NAALADL2: variants seen among roughly 807,000 people sequenced by gnomAD.
NAALADL2 encodes the protein N-acetylated alpha-linked acidic dipeptidase like 2, also known as inactive N-acetylated-alpha-linked acidic dipeptidase-like protein 2.
Under a neutral mutation model 87.2 loss-of-function variants are expected in NAALADL2, and 76 were observed. That is an observed-to-expected ratio of 0.87 (90% CI 0.72 to 1.05). The LOEUF (loss-of-function observed/expected upper bound fraction) is 1.05, where lower values mean the gene tolerates loss of function less well. Among genes scored for constraint, NAALADL2 ranks in the 50% least tolerant of loss-of-function variants. NAALADL2 has a pLI of 0.00. For missense variants in NAALADL2, 1,089 were observed against 945.8 expected (o/e 1.15, Z -1.99); for synonymous variants, 354 against 331.0 (o/e 1.07, Z -0.75).
At chr3:174,459,035 C>T (rs1019329240) in intron 1 of NAALADL2, among the ~76,000 whole-genome samples, 4 of 151,876 alleles carry the variant, frequency 2.6e-5, no homozygotes, top group Non-Finnish European at 5.9e-5. Flanking sequence ...AGTGTGGTTC[C>T]CAGGTTCTTT....
intron 12 of NAALADL2, among the ~76,000 whole-genome samples, chr3:175,748,201 C>T (rs568652547): frequency 5.3e-5 from 8 of 152,082 alleles, no homozygotes; most frequent in African/African-American, 1.9e-4. Context: ...ATAGCGCAAT[C>T]GCTCTCACAT....
At chr3:174,689,834 G>C (rs1263095942) in intron 2 of NAALADL2, among the ~76,000 whole-genome samples, 1 of 152,136 alleles carries the variant, frequency 6.6e-6, no homozygotes, top group African/African-American at 2.4e-5. Context: ...TGTTGGGAAA[G>C]AATGTTCTAA....
At chr3:175,563,573 G>T (rs142736548) in intron 9 of NAALADL2, among the ~76,000 whole-genome samples, 53 of 152,262 alleles carry the variant, frequency 3.5e-4, no homozygotes, top group Non-Finnish European at 7.1e-4. Flanking sequence ...GGAAGAATTA[G>T]ATAATAAGTG....
At chr3:175,128,254 C>G (rs983677564) in intron 2 of NAALADL2, among the ~76,000 whole-genome samples, 2 of 152,004 alleles carry the variant, frequency 1.3e-5, no homozygotes, top group African/African-American at 2.4e-5. Context: ...GAAGAAAGTG[C>G]TTGTGATTAA....
At chr3:175,801,497 A>C (rs1223256022) in intron 13 of NAALADL2, among the ~76,000 whole-genome samples, 2 of 152,050 alleles carry the variant, frequency 1.3e-5, no homozygotes, top group African/African-American at 4.8e-5. Flanking sequence ...GTCTTTGCTT[A>C]TGCCATTCCT....
intron 1 of NAALADL2, among the ~76,000 whole-genome samples, chr3:174,919,222 A>G (rs1734815729): frequency 1.3e-5 from 2 of 152,150 alleles, no homozygotes; most frequent in Admixed American, 1.3e-4. Flanking sequence ...TCTTAAAACA[A>G]TAAAGATTGC....
At chr3:174,810,327 A>C (rs1297554751) in intron 3 of NAALADL2, among the ~76,000 whole-genome samples, 3 of 152,150 alleles carry the variant, frequency 2.0e-5, no homozygotes, top group East Asian at 3.9e-4. Context: ...TTGTTGATTG[A>C]TTATGACCCA....
intron 1 of NAALADL2, among the ~76,000 whole-genome samples, chr3:174,494,587 AC>A (rs1303740517): frequency 1.3e-5 from 2 of 151,208 alleles, no homozygotes; most frequent in Non-Finnish European, 2.9e-5. Flanking sequence ...ACAAACCTGC[AC>A]GTTGTGCACA....
rs796209337 is a variant in NAALADL2, at chr3:174,915,688, GA to G, written c.43+56245del. Among the ~76,000 whole-genome samples the G allele has an allele frequency of 1.3e-4, 19 of 151,828 alleles. No individual in the cohort carries two copies. In the East Asian group the frequency reaches 2.1e-3, roughly 17 times the overall value. Reference sequence around the variant, plus strand: ...TCATATGATACTTTAATAATTTTAGGAAAAAAAGCGTAAGCTAATTTTCACC... The same window carrying G: ...TCATATGATACTTTAATAATTTTAGGAAAAAAGCGTAAGCTAATTTTCACC... On this transcript the variant is annotated intron_variant, in intron 1 of 13. Transcript: ENST00000454872.
At chr3:174,930,662 C>T (rs1163374013) in intron 1 of NAALADL2, among the ~76,000 whole-genome samples, 3 of 106,708 alleles carry the variant, frequency 2.8e-5, no homozygotes, top group African/African-American at 1.1e-4. Context: ...CACTCTGTGA[C>T]CCAGGCTGGA....
chr3:175,764,973 A>G (rs73881375), intron 13 of NAALADL2, among the ~76,000 whole-genome samples: 2,011 of 152,144 alleles, frequency 0.013, 46 homozygotes, highest in African/African-American at 0.046. Context: ...ACTTTCTTTT[A>G]GTGAGGTGTG....
chr3:174,634,192 C>G (rs561441908), intron 2 of NAALADL2, among the ~76,000 whole-genome samples: 1 of 152,156 alleles, frequency 6.6e-6, no homozygotes, highest in African/African-American at 2.4e-5. Flanking sequence ...TATAAGGAAC[C>G]TAGAAAATAT....
chr3:175,337,183 C>T (rs1338959101), intron 5 of NAALADL2, among the ~76,000 whole-genome samples: 2 of 148,472 alleles, frequency 1.3e-5, no homozygotes, highest in East Asian at 1.9e-4. Flanking sequence ...CTGATAGCAA[C>T]CCCTTTTACT....
intron 5 of NAALADL2, among the ~76,000 whole-genome samples, chr3:175,374,778 T>C (rs1766939724): frequency 6.6e-6 from 1 of 150,502 alleles, no homozygotes; most frequent in African/African-American, 2.4e-5. Context: ...GAGTCTGGGG[T>C]GGGAGGATTA....
chr3:174,778,224 A>G (rs1715457720), intron 3 of NAALADL2, among the ~76,000 whole-genome samples: 1 of 152,082 alleles, frequency 6.6e-6, no homozygotes, highest in African/African-American at 2.4e-5. Flanking sequence ...AGGGCTTGGA[A>G]CTTATCTTGA....
At chr3:175,681,530 A>G (rs1484304666) in intron 11 of NAALADL2, among the ~76,000 whole-genome samples, 1 of 152,234 alleles carries the variant, frequency 6.6e-6, no homozygotes. Context: ...CATTTTTACT[A>G]TAAAGCCTTA....
chr3:174,460,905 G>A (rs1021159713), intron 1 of NAALADL2, among the ~76,000 whole-genome samples: 11 of 151,970 alleles, frequency 7.2e-5, no homozygotes, highest in Non-Finnish European at 4.4e-5. Context: ...CCCCCAGTTA[G>A]ATGCTGGCTA....
intron 1 of NAALADL2, among the ~76,000 whole-genome samples, chr3:174,976,531 G>A (rs1002965318): frequency 1.4e-4 from 22 of 152,154 alleles, no homozygotes; most frequent in Non-Finnish European, 1.3e-4. Flanking sequence ...AGCTTCTTAA[G>A]CTGAAAATTA....
At chr3:175,742,617 T>A (rs1745394272) in intron 12 of NAALADL2, among the ~76,000 whole-genome samples, 1 of 152,120 alleles carries the variant, frequency 6.6e-6, no homozygotes, top group African/African-American at 2.4e-5. Context: ...CAGGATGGTC[T>A]CCATCTCCTG....
Sources: gnomAD v4.1 joint callset for allele counts (sites outside exome capture counted in the v4.1 genomes callset) on GRCh38, gnomAD v4.1.1 for gene constraint, MANE v1.5 for transcripts, NCBI Gene and HGNC (gene_info 2026-07-23, HGNC 2026-07-21) for gene names.